The following SOX6 variants were observed in gnomAD, a reference collection of about 807,000 sequenced individuals.
SOX6 encodes the protein transcription factor SOX-6.
Under a neutral mutation model 97.8 loss-of-function variants are expected in SOX6, and 11 were observed. The observed-to-expected ratio is 0.11, with a 90% confidence interval of 0.07 to 0.19. The LOEUF (loss-of-function observed/expected upper bound fraction) is 0.19. SOX6 is among the 10% of genes least tolerant of loss of function. SOX6 has a pLI of 1.00. For synonymous variants in SOX6, 360 were observed against 371.4 expected (o/e 0.97, Z 0.35); for missense variants, 810 against 1,039.5 (o/e 0.78, Z 3.04).
chr11:16,130,632 A>G (rs976522800), intron 6 of SOX6, among the ~76,000 whole-genome samples: 2 of 151,994 alleles, frequency 1.3e-5, no homozygotes, highest in African/African-American at 4.8e-5. Context: ...CATTTTGAAT[A>G]TAGTATGAAG....
chr11:16,248,051 C>T (rs1853391636), intron 3 of SOX6, among the ~76,000 whole-genome samples: 1 of 152,106 alleles, frequency 6.6e-6, no homozygotes, highest in Non-Finnish European at 1.5e-5. Context: ...TTACAGGCCC[C>T]ACGCAAGTCT....
intron 4 of SOX6, among the ~76,000 whole-genome samples, chr11:16,551,195 T>G (rs563104634): frequency 9.9e-5 from 15 of 151,704 alleles, no homozygotes; most frequent in Non-Finnish European, 1.6e-4. Flanking sequence ...AAATTTAAAA[T>G]AAAAAATTAG....
At chr11:16,525,720 C>T (rs1264958057) in intron 4 of SOX6, among the ~76,000 whole-genome samples, 126 of 151,748 alleles carry the variant, frequency 8.3e-4, no homozygotes, top group East Asian at 2.3e-3. Context: ...AGAAAATTTT[C>T]GCAACCTACT....
intron 4 of SOX6, among the ~76,000 whole-genome samples, chr11:16,571,754 C>T (rs1847941643): frequency 1.3e-5 from 2 of 152,262 alleles, no homozygotes; most frequent in African/African-American, 4.8e-5. Flanking sequence ...CGGGTTCAAG[C>T]AATTCTCCTG....
chr11:15,985,999 G>C (rs997851746), intron 15 of SOX6, among the ~76,000 whole-genome samples: 1 of 152,164 alleles, frequency 6.6e-6, no homozygotes, highest in African/African-American at 2.4e-5. Flanking sequence ...GGAGTGAACT[G>C]TTCCAGGTTT....
intron 12 of SOX6, chr11:16,031,428 C>T (rs1012199716): frequency 2.0e-5 from 3 of 152,296 alleles, no homozygotes; most frequent in African/African-American, 7.2e-5. Context: ...CTCAGCCCCC[C>T]TAGGCTGTGC....
At chr11:16,383,020 A>G (rs1325971489) in intron 1 of SOX6, among the ~76,000 whole-genome samples, 1 of 151,986 alleles carries the variant, frequency 6.6e-6, no homozygotes, top group African/African-American at 2.4e-5. Flanking sequence ...TGAGAAATGT[A>G]GCTATACAAT....
Position 16,245,942 on chromosome 11 carries a change from G to A in SOX6, c.446-11271C>T, listed in dbSNP as rs144298844. 5.5e-4 allele frequency among the ~76,000 whole-genome samples: 83 copies of A among 151,456 alleles called. 1 individual carries two copies. The East Asian group carries it at 0.015, about 27-fold the overall frequency. On this transcript the variant is annotated intron_variant, in intron 3 of 15. Coordinates refer to ENST00000683767, the MANE Select transcript of SOX6 (RefSeq NM_001367873.1). ...TCCATTTAGATTTAATGTAATAACT[G>A]TTAAGTCTACCATCTTGCTATTTTT...
At chr11:16,112,070 T>C in intron 6 of SOX6, 147 bp from the exon 7 acceptor site, 1 of 1,028,196 alleles carries the variant, frequency 9.7e-7, no homozygotes, top group Non-Finnish European at 1.5e-6. Context: ...AAAATTCAGT[T>C]AAAATCCACC....
intron 1 of SOX6, among the ~76,000 whole-genome samples, chr11:16,401,653 A>C (rs144277763): frequency 6.6e-6 from 1 of 151,644 alleles, no homozygotes; most frequent in South Asian, 2.1e-4. Flanking sequence ...GACTAGGAGA[A>C]CTCAAAAGTC....
At chr11:16,079,181 T>C (rs1396718363) in intron 9 of SOX6, among the ~76,000 whole-genome samples, 1 of 152,152 alleles carries the variant, frequency 6.6e-6, no homozygotes, top group Non-Finnish European at 1.5e-5. Context: ...TGAAAAATAA[T>C]GTACACTGCC....
Position 16,013,188 on chromosome 11 carries a change from C to T in SOX6, c.1732+1754G>A, listed in dbSNP as rs112340439. On this transcript the variant is annotated intron_variant, in intron 13 of 15. Coordinates refer to ENST00000683767, the MANE Select transcript of SOX6 (RefSeq NM_001367873.1). ...CAAATTAGAAAAGTCTTTGACAGCG[C>T]GGGTAAGGTGACAGAGCTCTGTAAC... Among the ~76,000 whole-genome samples the T allele has an allele frequency of 3.2e-4, 49 of 152,050 alleles. 2 individuals are homozygous for T. Among genetic ancestry groups the T allele is most frequent in the African/African-American group, 1.1e-3 (47 of 41,500 alleles).
chr11:16,733,267 C>T (rs779492254), intron 2 of SOX6, among the ~76,000 whole-genome samples: 1 of 152,186 alleles, frequency 6.6e-6, no homozygotes, highest in Non-Finnish European at 1.5e-5. Context: ...ACTTTAAAGA[C>T]AGATGCACAT....
At position 16,011,804 on chromosome 11, in the gene SOX6, G is replaced by A. The variant is rs530987587; in HGVS notation, c.1732+3138C>T. Among the ~76,000 whole-genome samples, 108 of 152,148 alleles carry A rather than the reference G, an allele frequency of 7.1e-4. 1 individual carries two copies. In the South Asian group the frequency reaches 0.021, roughly 29 times the overall value. On this transcript the variant is annotated intron_variant, in intron 13 of 15. Coordinates refer to ENST00000683767, the MANE Select transcript of SOX6 (RefSeq NM_001367873.1). ...GCTGTTCCAAAGCCAGAGGAAACCTGTATGGACTGAGGGAGAAGACATCCT... is the reference window on the plus strand; with the variant it reads ...GCTGTTCCAAAGCCAGAGGAAACCTATATGGACTGAGGGAGAAGACATCCT...
intron 4 of SOX6, among the ~76,000 whole-genome samples, chr11:16,503,090 C>A (rs1860733156): frequency 6.6e-6 from 1 of 151,996 alleles, no homozygotes; most frequent in African/African-American, 2.4e-5. Flanking sequence ...AAAACTGCCA[C>A]TAAATATACA....
intron 15 of SOX6, among the ~76,000 whole-genome samples, chr11:15,974,324 G>T (rs1271565639): frequency 6.9e-6 from 1 of 144,134 alleles, no homozygotes; most frequent in Non-Finnish European, 1.5e-5. Context: ...AATCTATGAA[G>T]AAGTAGCTTA....
chr11:16,145,561 G>C, intron 6 of SOX6, among the ~76,000 whole-genome samples: 1 of 152,160 alleles, frequency 6.6e-6, no homozygotes, highest in Non-Finnish European at 1.5e-5. Flanking sequence ...AAGTCAAATT[G>C]TGTCTGTTTG....
chr11:16,516,893 C>G (rs1245449980), intron 4 of SOX6, among the ~76,000 whole-genome samples: 6 of 148,500 alleles, frequency 4.0e-5, no homozygotes, highest in African/African-American at 1.5e-4. Context: ...AATTTTAGAT[C>G]AATATCCTTG....
chr11:16,374,969 A>C (rs1036000064), intron 1 of SOX6, among the ~76,000 whole-genome samples: 17 of 152,092 alleles, frequency 1.1e-4, no homozygotes, highest in Non-Finnish European at 1.9e-4. Context: ...AGACAACTAC[A>C]GTCCAAATTC....
Sources: allele counts gnomAD v4.1 joint callset (sites outside exome capture counted in the v4.1 genomes callset), GRCh38; gene constraint gnomAD v4.1.1; transcripts MANE v1.5; gene names NCBI Gene and HGNC (gene_info 2026-07-23, HGNC 2026-07-21).